Variants in PCGF3 observed in about 807,000 individuals in gnomAD.
PCGF3 encodes the protein polycomb group RING finger protein 3.
A neutral mutation model predicts 33.1 loss-of-function variants in PCGF3; 7 were observed. The ratio of observed to expected loss-of-function variants is 0.21; its 90% confidence interval spans 0.12 to 0.40. The LOEUF (loss-of-function observed/expected upper bound fraction) is 0.40, where lower values mean the gene tolerates loss of function less well. Among genes scored for constraint, PCGF3 ranks in the 10% least tolerant of loss-of-function variants. The pLI, the probability that PCGF3 is intolerant of heterozygous loss-of-function variation, is 1.00. For missense variants in PCGF3, 211 were observed against 313.3 expected (o/e 0.67, Z 2.46); for synonymous variants, 153 against 121.3 (o/e 1.26, Z -1.72).
At chr4:731,163 C>G (rs894014882) in intron 3 of PCGF3, 53 bp downstream of exon 3, 2 of 398,490 alleles carry the variant, frequency 5.0e-6, no homozygotes, top group Non-Finnish European at 8.8e-6. Flanking sequence ...TTGCCCTGCC[C>G]TGTTGCTGGT....
At chr4:761,117 T>C (rs1745031055) in intron 8 of PCGF3, among the ~76,000 whole-genome samples, 162 bp from the exon 9 acceptor site, 1 of 152,232 alleles carries the variant, frequency 6.6e-6, no homozygotes, top group African/African-American at 2.4e-5. Context: ...AGATAAGGTA[T>C]GTAAGATTCT....
intron 8 of PCGF3, among the ~76,000 whole-genome samples, chr4:748,805 G>C (rs1324282808): frequency 6.6e-6 from 1 of 152,020 alleles, no homozygotes; most frequent in Non-Finnish European, 1.5e-5. Context: ...TCGTCTGCGC[G>C]GAGGCCCCTG....
intron 1 of PCGF3, among the ~76,000 whole-genome samples, chr4:727,703 T>G (rs892572980): frequency 6.6e-6 from 1 of 152,062 alleles, no homozygotes; most frequent in Non-Finnish European, 1.5e-5. Flanking sequence ...ACTCTGAGTT[T>G]GTCAAGAATG....
chr4:753,216 CTT>C (rs1744604365), intron 8 of PCGF3, among the ~76,000 whole-genome samples: 1 of 152,210 alleles, frequency 6.6e-6, no homozygotes, highest in African/African-American at 2.4e-5. Flanking sequence ...CAGGATCTTA[CTT>C]TCTTGCCTAG....
Position 758,489 on chromosome 4 carries a change from G to A in PCGF3, c.463-2790G>A, listed in dbSNP as rs62294068. 1.8e-3 allele frequency among the ~76,000 whole-genome samples: 229 copies of A among 127,774 alleles called. 2 individuals carry two copies. The highest frequency in any genetic ancestry group is 3.0e-3 in the Non-Finnish European group (186 of 62,040). 83.8% of individuals were successfully genotyped at this position (127,774 alleles called of 152,430 possible). The stretch of plus-strand genomic sequence containing the variant: ...TTTCTTCCCGTGCGGCCCCTCTCCC[G>A]AGCTCTTCTCGCTCCGGACTCTGGG... On this transcript the variant is annotated intron_variant, in intron 8 of 10. Transcript: ENST00000362003.
chr4:756,438 C>G (rs1276176052), intron 8 of PCGF3, among the ~76,000 whole-genome samples: 1 of 151,920 alleles, frequency 6.6e-6, no homozygotes, highest in South Asian at 2.1e-4. Context: ...GCCTCGAACT[C>G]CTGACCTCAA....
rs1743061530 is a variant in PCGF3, at chr4:721,187, C to T, written c.-189-9443C>T. 1.3e-5 allele frequency among the ~76,000 whole-genome samples: 2 copies of T among 152,136 alleles called. No individual in the cohort carries two copies. Among genetic ancestry groups the T allele is most frequent in the Non-Finnish European group, 2.9e-5 (2 of 68,022 alleles). ...ACCTCACTGCCCCATTACAACAGTGCGGGCCCTGATTCTCATGGTTCCCCA... is the reference window on the plus strand; with the variant it reads ...ACCTCACTGCCCCATTACAACAGTGTGGGCCCTGATTCTCATGGTTCCCCA... On this transcript the variant is annotated intron_variant, in intron 1 of 10. Transcript: ENST00000362003. This position sits in a 1 kb window ranked among gnomAD's most constrained non-coding sequence, Gnocchi z 4.1.
chr4:732,311 TCCCTAC>T (rs1743613489), intron 3 of PCGF3: 1 of 126,568 alleles, frequency 7.9e-6, no homozygotes, highest in Non-Finnish European at 1.7e-5. Flanking sequence ...CTCCCTTCCC[TCCCTAC>T]CCTCCCCTCC....
intron 6 of PCGF3, among the ~76,000 whole-genome samples, chr4:741,879 A>C (rs904375724): frequency 6.6e-6 from 1 of 152,084 alleles, no homozygotes; most frequent in African/African-American, 2.4e-5. Context: ...GCACGGACCT[A>C]TGTGGCCTGT....
chr4:760,904 C>G (rs1745018616), intron 8 of PCGF3, among the ~76,000 whole-genome samples: 1 of 152,244 alleles, frequency 6.6e-6, no homozygotes, highest in Admixed American at 6.5e-5. Context: ...TGCTGTCTCC[C>G]CGAGTGCATT....
chr4:754,676 T>C lies in PCGF3; in HGVS notation c.463-6603T>C, dbSNP rs1354451215. Among the ~76,000 whole-genome samples, 9 of 152,306 alleles carry C rather than the reference T, an allele frequency of 5.9e-5. No homozygotes were observed. In the South Asian group the frequency reaches 1.4e-3, roughly 25 times the overall value. On this transcript the variant is annotated intron_variant, in intron 8 of 10. Transcript: ENST00000362003. ...GGGGGCCTGTGGCGAGAACTTGCTG[T>C]TCACCCAGAGGAGGGAGATGAGGCA...
chr4:706,407 GCCCAGGCAGGAC>G (rs1385526052), intron 1 of PCGF3, among the ~76,000 whole-genome samples: 7 of 141,350 alleles, frequency 5.0e-5, no homozygotes, highest in Non-Finnish European at 9.3e-5. Context: ...CAAGACCCCA[GCCCAGGCAGGAC>G]TCCGGGAGGT....
intron 8 of PCGF3, among the ~76,000 whole-genome samples, chr4:749,309 C>T (rs1038531286): frequency 6.6e-6 from 1 of 151,936 alleles, no homozygotes; most frequent in Non-Finnish European, 1.5e-5. Flanking sequence ...GGATTACAGG[C>T]ATGCGCCACC....
At chr4:727,231 G>GTGTTTTT (rs1276834611) in intron 1 of PCGF3, among the ~76,000 whole-genome samples, 1 of 93,892 alleles carries the variant, frequency 1.1e-5, no homozygotes, top group Non-Finnish European at 2.4e-5. Context: ...GTTAGCGAGC[G>GTGTTTTT]TCTTTTTTTT....
intron 3 of PCGF3, chr4:731,420 C>A: frequency 2.7e-6 from 1 of 369,250 alleles, no homozygotes; most frequent in Non-Finnish European, 4.8e-6. Context: ...GGCCTCAGCC[C>A]AGTGAGTTGT....
At chr4:724,303 C>T (rs1307155283) in intron 1 of PCGF3, among the ~76,000 whole-genome samples, 6 of 152,180 alleles carry the variant, frequency 3.9e-5, no homozygotes, top group Admixed American at 2.0e-4. Context: ...CACCCGAGTC[C>T]GTCCTCGGCC....
intron 3 of PCGF3, among the ~76,000 whole-genome samples, chr4:733,209 C>T (rs1743688375): frequency 6.6e-6 from 1 of 152,220 alleles, no homozygotes; most frequent in Admixed American, 6.5e-5. Context: ...ACAGCCCAGA[C>T]TCTAAACTGG....
In PCGF3 at chr4:711,678, C is replaced by T. The variant is rs370252287; in HGVS notation, c.-190+5708C>T. Among the ~76,000 whole-genome samples, 945 of 151,110 alleles carry T rather than the reference C, an allele frequency of 6.3e-3. 9 individuals carry two copies. Among genetic ancestry groups the T allele is most frequent in the Non-Finnish European group, 6.7e-3 (451 of 67,794 alleles). On this transcript the variant is annotated intron_variant, in intron 1 of 10. Coordinates refer to ENST00000362003, the Ensembl canonical transcript of PCGF3. Reference sequence around the variant, plus strand: ...TTCACCTTGTTAGCCAGGATGGTCTCGATCTCCTGACCTCATGATCCACCC... The same window carrying T: ...TTCACCTTGTTAGCCAGGATGGTCTTGATCTCCTGACCTCATGATCCACCC...
At chr4:714,744 A>T (rs954115519) in intron 1 of PCGF3, among the ~76,000 whole-genome samples, 4 of 152,168 alleles carry the variant, frequency 2.6e-5, no homozygotes, top group Non-Finnish European at 5.9e-5. Flanking sequence ...CGTCCTCTTC[A>T]GTCTCAGCTG....
Sources: allele counts gnomAD v4.1 joint callset (sites outside exome capture counted in the v4.1 genomes callset), GRCh38; gene constraint gnomAD v4.1.1; non-coding constraint Gnocchi (gnomAD v3.1); transcripts MANE v1.5; gene names NCBI Gene and HGNC (gene_info 2026-07-23, HGNC 2026-07-21).